ANKRD66: variants seen among roughly 807,000 people sequenced by gnomAD.
ANKRD66 encodes the protein ankyrin repeat domain 66.
Under a neutral mutation model 10.9 loss-of-function variants are expected in ANKRD66, and 10 were observed. The observed-to-expected ratio is 0.91, with a 90% CI of 0.56 to 1.55. ANKRD66 has a LOEUF of 1.55. ANKRD66 is among the 40% of genes most tolerant of loss of function. ANKRD66 has a pLI of 0.00. For synonymous variants in ANKRD66, 85 were observed against 88.4 expected (o/e 0.96, Z 0.22); for missense variants, 252 against 242.9 (o/e 1.04, Z -0.25).
rs1337356920 is a variant in ANKRD66, at chr6:46,758,804, T to G, written c.474T>G (p.Asp158Glu). ...LPLDERDEDW[D>E]AKKRELELSL... The stretch of plus-strand genomic sequence containing the variant: ...TGGATGAGCGTGATGAAGACTGGGA[T>G]GCCAAGAAAAGGGAGCTGGAGCTGT... Residue 158 changes from aspartate to glutamate, a missense_variant, in exon 5 of 5, where the codon GAT (aspartate) becomes GAG (glutamate). By Grantham distance (45) the Asp-to-Glu change is conservative. Transcript: ENST00000565422. 2 of 1,551,462 alleles carry G rather than the reference T, an allele frequency of 1.3e-6. No homozygotes were observed.
intron 2 of ANKRD66, among the ~76,000 whole-genome samples, chr6:46,751,321 C>T (rs969727374): frequency 6.6e-5 from 10 of 152,166 alleles, no homozygotes; most frequent in African/African-American, 2.2e-4. Flanking sequence ...GAAAGTGCTC[C>T]AGGGATTTCT....
intron 4 of ANKRD66, chr6:46,756,645 A>C (rs1766391550): frequency 6.6e-6 from 1 of 152,274 alleles, no homozygotes; most frequent in Non-Finnish European, 1.5e-5. Context: ...CACGCTTCAG[A>C]CTTCTTCCCT....
chr6:46,750,007 T>G, intron 2 of ANKRD66, 28 bp downstream of exon 2: 1 of 1,259,212 alleles, frequency 7.9e-7, no homozygotes, highest in East Asian at 2.5e-5. Context: ...CACAATAATT[T>G]GCATTTCTAA....
chr6:46,758,894 C>T lies in ANKRD66; in HGVS notation c.564C>T (p.Pro188=). The change falls in exon 5 of 5, where the codon CCC becomes CCT. Residue 188 remains proline (P), a synonymous_variant. Coordinates refer to ENST00000565422, the MANE Select transcript of ANKRD66 (RefSeq NM_001162435.3). ...AGAAAAGTCGAGGCCCCACCAGGCC[C>T]AGCAATACCAAGGGGAGGAGAGTAT... ...KNKKSRGPTR[P]SNTKGRRV is the part of the protein sequence containing the mutation. 1 of 1,551,126 alleles carries T rather than the reference C, an allele frequency of 6.4e-7. No individual in the cohort carries two copies.
rs139335094 is a variant in ANKRD66, at chr6:46,757,800, T to A, written c.393-923T>A. On this transcript the variant is annotated intron_variant, in intron 4 of 4. Transcript: ENST00000565422. ...TTGAGTTCTACTATGTGTATGTCATTGAGTTAGACACTAAAAACAACCTAA... is the reference window on the plus strand; with the variant it reads ...TTGAGTTCTACTATGTGTATGTCATAGAGTTAGACACTAAAAACAACCTAA... 4 of 152,370 alleles carry A rather than the reference T, an allele frequency of 2.6e-5. No homozygotes were observed. The East Asian group carries it at 7.7e-4, about 29-fold the overall frequency. The allele number at this position is 152,370 out of a possible 1,614,324, so 9.4% of individuals were successfully genotyped here.
In ANKRD66 at chr6:46,750,683, T is replaced by C. The variant is rs191840226; in HGVS notation, c.-13+704T>C. ...TATATATTATATACACATATACACATGTATATTATATATACGTGTGTGTAC... is the reference window on the plus strand; with the variant it reads ...TATATATTATATACACATATACACACGTATATTATATATACGTGTGTGTAC... On this transcript the variant is annotated intron_variant, in intron 2 of 4. Coordinates refer to ENST00000565422, the MANE Select transcript of ANKRD66 (RefSeq NM_001162435.3). Among the ~76,000 whole-genome samples, 1,046 of 148,690 alleles carry C rather than the reference T, an allele frequency of 7.0e-3. 13 individuals are homozygous for C. The highest frequency in any genetic ancestry group is 9.1e-3 in the Non-Finnish European group (615 of 67,364).
At chr6:46,755,424 C>T (rs1766363633) in intron 4 of ANKRD66, among the ~76,000 whole-genome samples, 1 of 152,172 alleles carries the variant, frequency 6.6e-6, no homozygotes, top group African/African-American at 2.4e-5. Context: ...CAGAGGTATG[C>T]CTTCTACTTT....
chr6:46,748,995 A>C (rs763734884), intron 1 of ANKRD66, among the ~76,000 whole-genome samples: 1 of 152,230 alleles, frequency 6.6e-6, no homozygotes, highest in African/African-American at 2.4e-5. Flanking sequence ...CTAGCACACT[A>C]TGGTCTACAG....
At chr6:46,752,256 A>G in intron 3 of ANKRD66, 145 bp downstream of exon 3, 1 of 1,010,680 alleles carries the variant, frequency 9.9e-7, no homozygotes, top group Non-Finnish European at 1.3e-6. Flanking sequence ...TTTTTTTGAG[A>G]CAGAGTCTCG....
At chr6:46,749,563 C>CG (rs1554185852) in intron 1 of ANKRD66, among the ~76,000 whole-genome samples, 1 of 106,700 alleles carries the variant, frequency 9.4e-6, no homozygotes, top group Admixed American at 1.1e-4. Context: ...CCCCCCCCCC[C>CG]CCCCGCTTTT....
Position 46,749,961 on chromosome 6 carries a change from G to T in ANKRD66, c.-31G>T. On this transcript the variant is annotated 5_prime_UTR_variant, in exon 2 of 5. Coordinates refer to ENST00000565422, the MANE Select transcript of ANKRD66 (RefSeq NM_001162435.3). The stretch of plus-strand genomic sequence containing the variant: ...CCACAACAAAGATGGCCGGACCCCT[G>T]CCCAGAGTTTCAGATTCTGTAAGTC... 1 of 1,503,702 alleles carries T rather than the reference G, an allele frequency of 6.7e-7. No homozygotes were observed. Among genetic ancestry groups the T allele is most frequent in the Non-Finnish European group, 9.1e-7 (1 of 1,103,556 alleles). 93.1% of individuals were successfully genotyped at this position (1,503,702 alleles called of 1,614,324 possible).
chr6:46,757,301 T>C (rs374524948), intron 4 of ANKRD66: 1 of 152,016 alleles, frequency 6.6e-6, no homozygotes, highest in East Asian at 1.9e-4. Context: ...CTTGGAAATG[T>C]GCATAGGTTG....
intron 2 of ANKRD66, among the ~76,000 whole-genome samples, 154 bp from the exon 3 acceptor site, chr6:46,751,783 G>C (rs1005697461): frequency 6.6e-6 from 1 of 152,148 alleles, no homozygotes; most frequent in Non-Finnish European, 1.5e-5. Context: ...CAGGAGCTAA[G>C]GTCTAAGGAC....
intron 4 of ANKRD66, chr6:46,757,335 GA>G (rs1766404603): frequency 6.6e-6 from 1 of 152,158 alleles, no homozygotes; most frequent in Admixed American, 6.5e-5. Context: ...GAAGGTGAGG[GA>G]TAGTGGAGTG....
chr6:46,753,918 T>C lies in ANKRD66; in HGVS notation c.360T>C (p.Tyr120=), dbSNP rs147327805. ...GDTPKRIAQI[Y]GQKACVAFLE... is the part of the protein sequence containing the mutation. Reference sequence around the variant, plus strand: ...CACCGAAGAGGATTGCACAGATCTATGGACAGAAAGCCTGTGTGGCATTTC... The same window carrying C: ...CACCGAAGAGGATTGCACAGATCTACGGACAGAAAGCCTGTGTGGCATTTC... The change falls in exon 4 of 5, where the codon TAT becomes TAC. Residue 120 remains tyrosine, a synonymous_variant. Transcript: ENST00000565422. 78 of 1,551,612 alleles carry C rather than the reference T, an allele frequency of 5.0e-5. No individual in the cohort carries two copies. The East Asian group carries it at 1.7e-3, about 33-fold the overall frequency.
At chr6:46,751,057 A>G (rs1766258997) in intron 2 of ANKRD66, among the ~76,000 whole-genome samples, 1 of 152,208 alleles carries the variant, frequency 6.6e-6, no homozygotes, top group Non-Finnish European at 1.5e-5. Flanking sequence ...TCAAAGATAA[A>G]GATTTAATAA....
At chr6:46,755,642 T>C (rs553275892) in intron 4 of ANKRD66, among the ~76,000 whole-genome samples, 4 of 152,336 alleles carry the variant, frequency 2.6e-5, no homozygotes, top group African/African-American at 9.6e-5. Context: ...CGGTTTCTCC[T>C]GTATTTTTAG....
rs146736135 is a variant in ANKRD66, at chr6:46,758,727, G to C, written c.397G>C (p.Glu133Gln). ...KACVAFLEKA[E>Q]PECQDHRCAA... is the part of the protein sequence containing the mutation. Reference sequence around the variant, plus strand: ...AGGCTCTCTCTTCTTTCCTAGGGCAGAGCCCGAGTGCCAGGACCACCGTTG... The same window carrying C: ...AGGCTCTCTCTTCTTTCCTAGGGCACAGCCCGAGTGCCAGGACCACCGTTG... The change falls in exon 5 of 5, where the codon GAG becomes CAG. Residue 133 changes from glutamate to glutamine, a missense_variant. Coordinates refer to ENST00000565422, the MANE Select transcript of ANKRD66 (RefSeq NM_001162435.3). 5.7e-4 allele frequency: 875 copies of C among 1,547,254 alleles called. 9 individuals are homozygous for C. In the East Asian group the frequency reaches 0.018, roughly 32 times the overall value.
At position 46,752,065 on chromosome 6, in the gene ANKRD66, T is replaced by C. The variant is rs766085289; in HGVS notation, c.117T>C (p.Asp39=). ...GTCTCTGTGACCCAAACTACAAAGATGTAGACTGGAATGACCGGACCCCAC... is the reference window on the plus strand; with the variant it reads ...GTCTCTGTGACCCAAACTACAAAGACGTAGACTGGAATGACCGGACCCCAC... The part of the protein sequence containing the change: ...KKGLCDPNYK[D]VDWNDRTPLH... The change falls in exon 3 of 5, where the codon GAT becomes GAC. Residue 39 remains aspartate (D), a synonymous_variant. Coordinates refer to ENST00000565422, the MANE Select transcript of ANKRD66 (RefSeq NM_001162435.3). The C allele has an allele frequency of 1.9e-5, 29 of 1,534,054 alleles. No homozygotes were observed. Among genetic ancestry groups the C allele is most frequent in the Admixed American group, 4.1e-5 (2 of 48,242 alleles).
Sources: allele counts gnomAD v4.1 joint callset (sites outside exome capture counted in the v4.1 genomes callset), GRCh38; gene constraint gnomAD v4.1.1; transcripts MANE v1.5; gene names NCBI Gene and HGNC (gene_info 2026-07-23, HGNC 2026-07-21).